Variants in CADPS observed in about 807,000 individuals in gnomAD.
The protein encoded by CADPS is calcium dependent secretion activator.
CADPS carries 57 observed loss-of-function variants against 167.3 expected under a neutral mutation model. The ratio of observed to expected loss-of-function variants is 0.34; its 90% CI spans 0.28 to 0.42. The LOEUF is 0.42. CADPS is among the 20% of genes least tolerant of loss of function. The pLI, the probability that CADPS is intolerant of heterozygous loss-of-function variation, is 1.00. For missense variants in CADPS, 1,414 were observed against 1,738.1 expected, an observed-to-expected ratio of 0.81 and a Z score of 3.32; for synonymous variants, 676 against 635.3, an observed-to-expected ratio of 1.06 and a Z score of -0.96.
At chr3:62,427,809 A>G (rs990390215) in intron 28 of CADPS, among the ~76,000 whole-genome samples, 3 of 152,236 alleles carry the variant, frequency 2.0e-5, no homozygotes, top group African/African-American at 7.2e-5. Context: ...AAGAAATTTC[A>G]CTAGAAAGCA....
At chr3:62,799,398 A>G (rs2093633314) in intron 1 of CADPS, among the ~76,000 whole-genome samples, 1 of 152,118 alleles carries the variant, frequency 6.6e-6, no homozygotes, top group Non-Finnish European at 1.5e-5. Flanking sequence ...CTTGCTCAAC[A>G]AGTTCACCTA....
At chr3:62,485,098 G>T (rs1049528715) in intron 21 of CADPS, among the ~76,000 whole-genome samples, 4 of 151,982 alleles carry the variant, frequency 2.6e-5, no homozygotes, top group Non-Finnish European at 5.9e-5. Flanking sequence ...TAGAATATCT[G>T]TTTATGTATT....
intron 1 of CADPS, among the ~76,000 whole-genome samples, chr3:62,811,638 C>T (rs962732523): frequency 1.3e-5 from 2 of 152,176 alleles, no homozygotes; most frequent in Non-Finnish European, 2.9e-5. Flanking sequence ...GACAGGTGTG[C>T]CACCTAATGT....
intron 3 of CADPS, among the ~76,000 whole-genome samples, chr3:62,666,432 C>T (rs1042201766): frequency 4.6e-5 from 7 of 152,084 alleles, no homozygotes; most frequent in African/African-American, 7.2e-5. Flanking sequence ...AGTGAGCTTC[C>T]ATGGAAACAA....
chr3:62,739,541 T>C (rs2079741436), intron 3 of CADPS, among the ~76,000 whole-genome samples: 1 of 152,210 alleles, frequency 6.6e-6, no homozygotes, highest in South Asian at 2.1e-4. Context: ...TTTCTAATGA[T>C]CCTTGTTAAA....
At chr3:62,735,860 T>C (rs1421177305) in intron 3 of CADPS, among the ~76,000 whole-genome samples, 1 of 152,224 alleles carries the variant, frequency 6.6e-6, no homozygotes, top group African/African-American at 2.4e-5. Context: ...GATGATAGTG[T>C]AATGAAATTG....
intron 28 of CADPS, among the ~76,000 whole-genome samples, chr3:62,426,873 C>A (rs1345138986): frequency 6.6e-6 from 1 of 150,598 alleles, no homozygotes; most frequent in Non-Finnish European, 1.5e-5. Context: ...CGAGACCATA[C>A]TGGCTAACAC....
At chr3:62,737,485 A>AG (rs2079237961) in intron 3 of CADPS, among the ~76,000 whole-genome samples, 1 of 134,986 alleles carries the variant, frequency 7.4e-6, no homozygotes. Flanking sequence ...AAAAAAAAAA[A>AG]GCAAAAAAAA....
At chr3:62,821,381 T>C (rs1171376123) in intron 1 of CADPS, among the ~76,000 whole-genome samples, 1 of 152,162 alleles carries the variant, frequency 6.6e-6, no homozygotes, top group Non-Finnish European at 1.5e-5. Context: ...TATATTATTT[T>C]GCAATTCTGG....
rs1357544929 is a variant in CADPS at position 62,874,688 on chromosome 3, C to T, written c.342G>A (p.Glu114=). 1 of 1,547,666 alleles carries T rather than the reference C, an allele frequency of 6.5e-7. No individual in the cohort carries two copies. The highest frequency in any genetic ancestry group is 2.4e-5 in the East Asian group (1 of 40,840). ...ELERLQKEEE[E]RKKRLQLYVF... ...CATACAGCTGCAGCCTCTTCTTCCTCTCCTCCTCCTCTTTCTGCAGCCGCT... is the reference window on the plus strand; with the variant it reads ...CATACAGCTGCAGCCTCTTCTTCCTTTCCTCCTCCTCTTTCTGCAGCCGCT... Residue 114 remains glutamate, a synonymous_variant, in exon 1 of 30, where the codon GAG becomes GAA. Coordinates refer to ENST00000383710, the MANE Select transcript of CADPS (RefSeq NM_003716.4). This position sits in a 1 kb window ranked among gnomAD's most constrained non-coding sequence, Gnocchi z 7.1.
At chr3:62,756,577 CTAA>C (rs1216027255) in intron 2 of CADPS, among the ~76,000 whole-genome samples, 5 of 152,134 alleles carry the variant, frequency 3.3e-5, no homozygotes, top group African/African-American at 1.2e-4. Context: ...TGACATAATC[CTAA>C]TAATGCCATG....
At chr3:62,422,053 T>A (rs2051536483) in intron 28 of CADPS, among the ~76,000 whole-genome samples, 2 of 152,236 alleles carry the variant, frequency 1.3e-5, no homozygotes, top group African/African-American at 2.4e-5. Flanking sequence ...GTTAGCGAGT[T>A]CTTTAAGTTG....
intron 1 of CADPS, among the ~76,000 whole-genome samples, chr3:62,809,860 T>A (rs2094311116): frequency 1.3e-5 from 2 of 152,156 alleles, no homozygotes; most frequent in Non-Finnish European, 2.9e-5. Context: ...AGGTGTTTAT[T>A]TAATAGACTC....
chr3:62,515,131 GGTTA>G (rs2068675537), intron 16 of CADPS, among the ~76,000 whole-genome samples: 2 of 152,186 alleles, frequency 1.3e-5, no homozygotes, highest in South Asian at 2.1e-4. Context: ...CTGAGTGATT[GGTTA>G]GTTTCTTTTC....
intron 1 of CADPS, among the ~76,000 whole-genome samples, chr3:62,806,295 T>C (rs1034711470): frequency 3.3e-5 from 5 of 151,924 alleles, no homozygotes; most frequent in African/African-American, 4.8e-5. Context: ...GTAAAGACTT[T>C]CATTGAACAT....
At chr3:62,634,320 TCTTA>T (rs1229103337) in intron 6 of CADPS, among the ~76,000 whole-genome samples, 3 of 152,218 alleles carry the variant, frequency 2.0e-5, no homozygotes, top group African/African-American at 7.2e-5. Context: ...CTATTTATCT[TCTTA>T]GTCATTTGTT....
At chr3:62,593,307 G>A (rs2086486160) in intron 6 of CADPS, among the ~76,000 whole-genome samples, 1 of 152,228 alleles carries the variant, frequency 6.6e-6, no homozygotes, top group African/African-American at 2.4e-5. Flanking sequence ...GGATGAGGAT[G>A]TGGGAAATGC....
intron 8 of CADPS, among the ~76,000 whole-genome samples, chr3:62,571,505 G>A (rs1426128345): frequency 6.6e-6 from 1 of 151,846 alleles, no homozygotes; most frequent in African/African-American, 2.4e-5. Context: ...AAAATAAAAC[G>A]GAGGGTTGAG....
chr3:62,411,210 C>A (rs12637845), intron 28 of CADPS, among the ~76,000 whole-genome samples: 1 of 152,168 alleles, frequency 6.6e-6, no homozygotes, highest in African/African-American at 2.4e-5. Context: ...GGTAACCAAT[C>A]GGTGTTTTTG....
Sources: gnomAD v4.1 joint callset for allele counts (sites outside exome capture counted in the v4.1 genomes callset) on GRCh38, gnomAD v4.1.1 for gene constraint, Gnocchi (gnomAD v3.1) non-coding constraint, MANE v1.5 for transcripts, NCBI Gene and HGNC (gene_info 2026-07-23, HGNC 2026-07-21) for gene names.